NXPE3: variants seen among roughly 807,000 people sequenced by gnomAD.
The protein encoded by NXPE3 is neurexophilin and PC-esterase domain family member 3.
In NXPE3, 26 loss-of-function variants were observed where a neutral mutation model predicts 46.1. The ratio of observed to expected loss-of-function variants is 0.56; its 90% CI spans 0.41 to 0.78. The LOEUF is 0.78. Ranked by LOEUF, NXPE3 falls within the 30% of genes least tolerant of loss-of-function variation. The pLI is 0.00. For missense variants in NXPE3, 620 were observed against 686.0 expected, an observed-to-expected ratio of 0.90 and a Z score of 1.07; for synonymous variants, 272 against 257.9, an observed-to-expected ratio of 1.05 and a Z score of -0.52.
chr3:101,799,105 T>TA (rs923216984), intron 4 of NXPE3, among the ~76,000 whole-genome samples: 4 of 151,316 alleles, frequency 2.6e-5, no homozygotes, highest in African/African-American at 2.4e-5. Context: ...TGGCTAACTT[T>TA]AAAAAAAAAT....
Position 101,825,820 on chromosome 3 carries a change from G to C in NXPE3, c.*3866G>C, listed in dbSNP as rs1468624008. ...AAAATATGAATTTCTATTTTGGAATGAAAGTATTAATTTAATGTAGTGAAT... is the reference window on the plus strand; with the variant it reads ...AAAATATGAATTTCTATTTTGGAATCAAAGTATTAATTTAATGTAGTGAAT... On this transcript the variant is annotated 3_prime_UTR_variant, in exon 8 of 8. Coordinates refer to ENST00000273347, the MANE Select transcript of NXPE3 (RefSeq NM_145037.4). The C allele has an allele frequency of 6.6e-6, 1 of 152,190 alleles. No individual in the cohort carries two copies. The highest frequency in any genetic ancestry group is 1.5e-5 in the Non-Finnish European group (1 of 68,032). 9.4% of individuals were successfully genotyped at this position (152,190 alleles called of 1,614,324 possible).
chr3:101,816,803 A>T lies in NXPE3; in HGVS notation c.931A>T (p.Ser311Cys), dbSNP rs1362952354. The T allele has an allele frequency of 6.2e-7, 1 of 1,607,134 alleles. No homozygotes were observed. ...TTCTTTTTTCTTTGCAGAAACTAAC[A>T]GTCTAGAACTATCTCAAGGCTCAGG... ...VIPRRIKETN[S>C]LELSQGSGTF... The change falls in exon 7 of 8, where the codon AGT becomes TGT. Residue 311 changes from serine (S) to cysteine (C), a missense_variant. Coordinates refer to ENST00000273347, the MANE Select transcript of NXPE3 (RefSeq NM_145037.4).
intron 6 of NXPE3, among the ~76,000 whole-genome samples, chr3:101,808,818 G>GAGATATATAT (rs1313213746): frequency 3.9e-4 from 12 of 30,810 alleles, no homozygotes; most frequent in South Asian, 1.9e-3. Flanking sequence ...AATTTTAGAG[G>GAGATATATAT]ATATATATAT....
intron 1 of NXPE3, among the ~76,000 whole-genome samples, chr3:101,780,563 C>T (rs935003157): frequency 3.3e-5 from 5 of 152,058 alleles, no homozygotes; most frequent in Non-Finnish European, 5.9e-5. Context: ...CATCTAGGGA[C>T]CTTTTTAAAA....
At chr3:101,808,503 T>G (rs1941534766) in intron 6 of NXPE3, among the ~76,000 whole-genome samples, 2 of 152,086 alleles carry the variant, frequency 1.3e-5, no homozygotes, top group Admixed American at 6.6e-5. Flanking sequence ...CAGCCTCTTT[T>G]CAGTTTCTGC....
intron 4 of NXPE3, 50 bp downstream of exon 4, chr3:101,785,739 T>A: frequency 1.3e-6 from 2 of 1,485,978 alleles, no homozygotes; most frequent in Non-Finnish European, 1.9e-6. Flanking sequence ...AGTCTGGGGA[T>A]CTGGGGCTAA....
At chr3:101,808,854 T>TATATAC (rs770360739) in intron 6 of NXPE3, among the ~76,000 whole-genome samples, 1,483 of 100,336 alleles carry the variant, frequency 0.015, 139 homozygotes, top group African/African-American at 0.038. Context: ...TATATATATA[T>TATATAC]ATGAGACATT....
chr3:101,795,515 T>TA (rs568595009), intron 4 of NXPE3, among the ~76,000 whole-genome samples: 43,214 of 129,364 alleles, frequency 0.33, 6,958 homozygotes, highest in Middle Eastern at 0.46. Flanking sequence ...GAGACTTATC[T>TA]AAAAAAAAAA....
At chr3:101,781,257 C>T (rs1939809014) in intron 1 of NXPE3, among the ~76,000 whole-genome samples, 1 of 152,186 alleles carries the variant, frequency 6.6e-6, no homozygotes, top group Non-Finnish European at 1.5e-5. Context: ...AGAAACTGGA[C>T]AGTTTCTATG....
At chr3:101,802,511 G>A (rs1466385728) in intron 5 of NXPE3, among the ~76,000 whole-genome samples, 2 of 151,842 alleles carry the variant, frequency 1.3e-5, no homozygotes, top group African/African-American at 4.9e-5. Context: ...AGTCAGGCTG[G>A]TGTTTTATCT....
At position 101,822,198 on chromosome 3, in the gene NXPE3, A is replaced by G. The variant is rs1473755937; in HGVS notation, c.*244A>G. The stretch of plus-strand genomic sequence containing the variant: ...ACTCTTAACTGCATCTACACACTAT[A>G]TTGCTCTTGTAACCAAAGATGCTAA... On this transcript the variant is annotated 3_prime_UTR_variant, in exon 8 of 8. Transcript: ENST00000273347. 2.2e-6 allele frequency: 1 copy of G among 460,652 alleles called. No homozygotes were observed. The highest frequency in any genetic ancestry group is 1.9e-5 in the African/African-American group (1 of 51,926). The allele number at this position is 460,652 out of a possible 1,614,324, so 28.5% of individuals were successfully genotyped here.
intron 4 of NXPE3, among the ~76,000 whole-genome samples, chr3:101,788,839 C>T (rs1392416386): frequency 6.6e-6 from 1 of 152,152 alleles, no homozygotes; most frequent in Non-Finnish European, 1.5e-5. Flanking sequence ...GGGTCTTGAA[C>T]TCTTGACCTC....
intron 6 of NXPE3, among the ~76,000 whole-genome samples, chr3:101,811,994 A>G (rs752298631): frequency 2.0e-5 from 3 of 152,036 alleles, no homozygotes; most frequent in African/African-American, 7.2e-5. Context: ...TTGGCTTCCT[A>G]AAGTGTTGGG....
intron 4 of NXPE3, among the ~76,000 whole-genome samples, chr3:101,800,165 GTTGT>G (rs764799256): frequency 2.6e-5 from 4 of 151,916 alleles, no homozygotes; most frequent in Non-Finnish European, 4.4e-5. Flanking sequence ...CTGATTTTAG[GTTGT>G]TTTTCTTTCC....
rs1939858950 is a variant in NXPE3 at position 101,782,117 on chromosome 3, A to G, written c.-490A>G. 6.6e-6 allele frequency: 1 copy of G among 152,082 alleles called. No homozygotes were observed. Among genetic ancestry groups the G allele is most frequent in the Admixed American group, 6.5e-5 (1 of 15,268 alleles). The allele number at this position is 152,082 out of a possible 1,614,324, so 9.4% of individuals were successfully genotyped here. ...TGCATATTTTTGTTTCAGCAAGAAGAATTGTATAGAAATGTAAAAAACATT... is the reference window on the plus strand; with the variant it reads ...TGCATATTTTTGTTTCAGCAAGAAGGATTGTATAGAAATGTAAAAAACATT... On this transcript the variant is annotated 5_prime_UTR_variant, in exon 2 of 8. Coordinates refer to ENST00000273347, the MANE Select transcript of NXPE3 (RefSeq NM_145037.4).
At chr3:101,792,534 G>A (rs1401165022) in intron 4 of NXPE3, among the ~76,000 whole-genome samples, 1 of 152,094 alleles carries the variant, frequency 6.6e-6, no homozygotes, top group Admixed American at 6.6e-5. Context: ...TTTCCTCATT[G>A]CTTGTTTTTG....
rs778634770 is a variant in NXPE3, at chr3:101,801,304, A to G, written c.163A>G (p.Thr55Ala). The G allele has an allele frequency of 1.2e-6, 2 of 1,614,054 alleles. No homozygotes were observed. The highest frequency in any genetic ancestry group is 1.7e-6 in the Non-Finnish European group (2 of 1,180,032). The change falls in exon 5 of 8, where the codon ACA (threonine) becomes GCA (alanine). Residue 55 changes from threonine (T) to alanine (A), a missense_variant. Coordinates refer to ENST00000273347, the MANE Select transcript of NXPE3 (RefSeq NM_145037.4). ...SSGQFVSSQV[T>A]GISRNPYCGY... The stretch of plus-strand genomic sequence containing the variant: ...TGGACAGTTTGTTTCCTCCCAGGTG[A>G]CAGGAATTAGCCGAAATCCCTACTG...
intron 5 of NXPE3, among the ~76,000 whole-genome samples, chr3:101,805,823 G>GAAGAAA (rs1560054784): frequency 9.2e-5 from 14 of 152,080 alleles, no homozygotes; most frequent in African/African-American, 3.1e-4. Flanking sequence ...TATAGAAGAA[G>GAAGAAA]TTTTCCTGCA....
intron 4 of NXPE3, among the ~76,000 whole-genome samples, chr3:101,796,670 C>T (rs568492365): frequency 1.3e-5 from 2 of 152,146 alleles, no homozygotes; most frequent in Non-Finnish European, 2.9e-5. Flanking sequence ...TTGTTTTCCC[C>T]ATGCCATTTT....
Sources: gnomAD v4.1 joint callset for allele counts (sites outside exome capture counted in the v4.1 genomes callset) on GRCh38, gnomAD v4.1.1 for gene constraint, MANE v1.5 for transcripts, NCBI Gene and HGNC (gene_info 2026-07-23, HGNC 2026-07-21) for gene names.